Variants in LRRK2 observed in about 807,000 individuals in gnomAD.
LRRK2 encodes leucine rich repeat kinase 2, also known as leucine-rich repeat serine/threonine-protein kinase 2.
Under a neutral mutation model 302.6 loss-of-function variants are expected in LRRK2, and 203 were observed. The observed-to-expected ratio is 0.67, with a 90% CI of 0.60 to 0.75. The LOEUF is 0.75. LRRK2 is among the 30% of genes least tolerant of loss of function. LRRK2 has a pLI of 0.00. For synonymous variants in LRRK2, 1,066 were observed against 1,031.9 expected (o/e 1.03, Z -0.63); for missense variants, 2,830 against 2,951.0 (o/e 0.96, Z 0.95).
intron 41 of LRRK2, among the ~76,000 whole-genome samples, chr12:40,345,642 A>G (rs907280817): frequency 2.3e-4 from 35 of 150,796 alleles, no homozygotes; most frequent in African/African-American, 7.1e-4. Flanking sequence ...AAAAAAAAAA[A>G]AAAGAAAGAA....
Position 40,321,089 on chromosome 12 carries a change from A to G in LRRK2, c.5071A>G (p.Ile1691Val). 1.2e-6 allele frequency: 2 copies of G among 1,612,976 alleles called. No homozygotes were observed. The highest frequency in any genetic ancestry group is 1.7e-6 in the Non-Finnish European group (2 of 1,179,100). ...TCCCCATTGTGAGAACTCTGAAATT[A>G]TCATCCGACTATATGAAATGCCTTA... ...ELPHCENSEI[I>V]IRLYEMPYFP... Residue 1691 changes from isoleucine to valine, a missense_variant, in exon 35 of 51, where the codon ATC becomes GTC. Physicochemically the swap from Ile to Val is conservative, Grantham distance 29. Around this residue, in one of 3 missense-constraint regions of LRRK2, gnomAD observed 2,121 missense variants for 2,148.0 expected, o/e 0.99. Coordinates refer to ENST00000298910, the MANE Select transcript of LRRK2 (RefSeq NM_198578.4).
At chr12:40,243,403 C>T (rs1941825530) in intron 6 of LRRK2, 147 bp from the exon 7 acceptor site, 2 of 809,620 alleles carry the variant, frequency 2.5e-6, no homozygotes, top group East Asian at 5.5e-5. Flanking sequence ...GTATTTTTTA[C>T]AGCTACTTAA....
At chr12:40,327,184 C>G (rs945995676) in intron 38 of LRRK2, among the ~76,000 whole-genome samples, 9 of 152,222 alleles carry the variant, frequency 5.9e-5, no homozygotes, top group Middle Eastern at 6.8e-3. Flanking sequence ...TGATCATGGT[C>G]AGTTTGTGAG....
At chr12:40,267,831 T>G (rs1384635245) in intron 14 of LRRK2, among the ~76,000 whole-genome samples, 1 of 152,178 alleles carries the variant, frequency 6.6e-6, no homozygotes, top group Non-Finnish European at 1.5e-5. Context: ...AATTCTGTGA[T>G]TGCATGTCTT....
chr12:40,312,809 A>G (rs1945079347), intron 31 of LRRK2: 1 of 151,900 alleles, frequency 6.6e-6, no homozygotes, highest in Non-Finnish European at 1.5e-5. Context: ...TTATTTTTAT[A>G]TGGAGGTTTC....
intron 2 of LRRK2, among the ~76,000 whole-genome samples, chr12:40,228,242 A>T (rs1940996033): frequency 6.6e-6 from 1 of 151,896 alleles, no homozygotes; most frequent in African/African-American, 2.4e-5. Context: ...CCTTACCAGC[A>T]TTTGTTATTT....
In LRRK2 at chr12:40,298,369, G is replaced by C. The variant is rs1013930518; in HGVS notation, c.3223G>C (p.Val1075Leu). Residue 1075 changes from valine to leucine, a missense_variant, in exon 24 of 51, where the codon GTT becomes CTT. Coordinates refer to ENST00000298910, the MANE Select transcript of LRRK2 (RefSeq NM_198578.4). ...TCGAAATGACATTGGACCCTCAGTGGTTTTAGATCCTACAGTGAAATGTCC... is the reference window on the plus strand; with the variant it reads ...TCGAAATGACATTGGACCCTCAGTGCTTTTAGATCCTACAGTGAAATGTCC... ...VSRNDIGPSV[V>L]LDPTVKCPTL... 1 of 1,613,914 alleles carries C rather than the reference G, an allele frequency of 6.2e-7. No individual in the cohort carries two copies.
In LRRK2 at chr12:40,337,057, A is replaced by T. The variant is rs886220632; in HGVS notation, c.5948+1900A>T. 2.0e-5 allele frequency among the ~76,000 whole-genome samples: 3 copies of T among 152,230 alleles called. No individual in the cohort carries two copies. In the South Asian group the frequency reaches 6.2e-4, roughly 31 times the overall value. ...CAGCATATTTTAAAATAATTTGCCT[A>T]ATTTGTTCTTAGCATAATGCCAGAA... On this transcript the variant is annotated intron_variant, in intron 40 of 50. Transcript: ENST00000298910.
rs41286454 is a variant in LRRK2, at chr12:40,257,144, A to G, written c.1289-104A>G. On this transcript the variant is annotated intron_variant, in intron 11 of 50. Transcript: ENST00000298910. ...AACTATAAATTATGTGTGCTCTTGT[A>G]TATGCTTTCCTGTAAATTTGGACTA... is the stretch of plus-strand genomic sequence containing the variant. 610 of 814,604 alleles carry G rather than the reference A, an allele frequency of 7.5e-4. 4 individuals carry two copies. The highest frequency in any genetic ancestry group is 9.8e-4 in the Non-Finnish European group (492 of 501,988). 50.5% of individuals were successfully genotyped at this position (814,604 alleles called of 1,614,324 possible).
Position 40,243,628 on chromosome 12 carries a change from T to C in LRRK2, c.785T>C (p.Met262Thr). The change falls in exon 7 of 51, where the codon ATG becomes ACG. Residue 262 changes from methionine (M) to threonine (T), a missense_variant. By Grantham distance (81) the Met-to-Thr change is moderately conservative. Coordinates refer to ENST00000298910, the MANE Select transcript of LRRK2 (RefSeq NM_198578.4). ...GTGGAAGCTATGAAAGCATTCCCTA[T>C]GAGTGAAAGAATTCAAGAAGTGAGT... The part of the protein sequence containing the change: ...IVVEAMKAFP[M>T]SERIQEVSCC... The C allele has an allele frequency of 6.2e-7, 1 of 1,612,144 alleles. No homozygotes were observed. Among genetic ancestry groups the C allele is most frequent in the African/African-American group, 1.3e-5 (1 of 74,946 alleles).
intron 39 of LRRK2, among the ~76,000 whole-genome samples, chr12:40,330,422 C>T (rs1255935265): frequency 1.3e-5 from 2 of 151,902 alleles, no homozygotes; most frequent in East Asian, 3.9e-4. Flanking sequence ...TCTAGGATAC[C>T]TTTAATTTCA....
At position 40,322,672 on chromosome 12, in the gene LRRK2, T is replaced by C. The variant is rs11176022; in HGVS notation, c.5509+162T>C. Among the ~76,000 whole-genome samples the C allele has an allele frequency of 0.06, 9,149 of 152,146 alleles. 391 individuals are homozygous for C. The highest frequency in any genetic ancestry group is 0.13 in the Admixed American group (1,956 of 15,270). On this transcript the variant is annotated intron_variant, in intron 37 of 50. Coordinates refer to ENST00000298910, the MANE Select transcript of LRRK2 (RefSeq NM_198578.4). The stretch of plus-strand genomic sequence containing the variant: ...AAAACTGAATTATATTTATTACCAA[T>C]AAAATCTTGTATTCTAGATTCAGAA...
intron 7 of LRRK2, among the ~76,000 whole-genome samples, chr12:40,244,927 A>G (rs775671333): frequency 6.6e-6 from 1 of 151,304 alleles, no homozygotes; most frequent in Non-Finnish European, 1.5e-5. Context: ...CTGCAGGTTG[A>G]CTGAGCAAGG....
chr12:40,289,122 C>T (rs1209992258), intron 20 of LRRK2, among the ~76,000 whole-genome samples: 1 of 151,768 alleles, frequency 6.6e-6, no homozygotes, highest in African/African-American at 2.4e-5. Flanking sequence ...TTATTTCTTT[C>T]TGTATGGATA....
rs1945009106 is a variant in LRRK2 at position 40,310,642 on chromosome 12, A to T, written c.4529A>T (p.Asn1510Ile). ...AAAACCATCATAAACGAGAGCCTTA[A>T]TTTCAAGGTAACATGGTAGGCTGGT... The part of the protein sequence containing the change: ...LRKTIINESL[N>I]FKIRDQLVVG... The change falls in exon 31 of 51, where the codon AAT becomes ATT. Residue 1510 changes from asparagine (N) to isoleucine (I), a missense_variant. Transcript: ENST00000298910. 1 of 1,612,958 alleles carries T rather than the reference A, an allele frequency of 6.2e-7. No homozygotes were observed. The highest frequency in any genetic ancestry group is 1.7e-5 in the Admixed American group (1 of 59,844).
At chr12:40,356,058 C>G in intron 45 of LRRK2, 57 bp from the exon 46 acceptor site, 1 of 1,142,320 alleles carries the variant, frequency 8.8e-7, no homozygotes, top group Non-Finnish European at 1.3e-6. Flanking sequence ...AACATTAAGG[C>G]CATTTTAGTC....
At chr12:40,306,149 A>C (rs188796134) in intron 28 of LRRK2, among the ~76,000 whole-genome samples, 183 bp downstream of exon 28, 1 of 152,130 alleles carries the variant, frequency 6.6e-6, no homozygotes, top group Admixed American at 6.6e-5. Flanking sequence ...CACTGTAGAG[A>C]TTTCTCATTC....
chr12:40,367,657 C>T lies in LRRK2; in HGVS notation c.7476C>T (p.Cys2492=). The change falls in exon 51 of 51, where the codon TGC becomes TGT. Residue 2492 remains cysteine (C), a synonymous_variant. Coordinates refer to ENST00000298910, the MANE Select transcript of LRRK2 (RefSeq NM_198578.4). ...GTQKQKEIQS[C]LTVWDINLPH... is the part of the protein sequence containing the mutation. Reference sequence around the variant, plus strand: ...TTCTTTTTCTAGAGATACAATCTTGCTTGACCGTTTGGGACATCAATCTTC... The same window carrying T: ...TTCTTTTTCTAGAGATACAATCTTGTTTGACCGTTTGGGACATCAATCTTC... 1 of 1,603,540 alleles carries T rather than the reference C, an allele frequency of 6.2e-7. No individual in the cohort carries two copies. Among genetic ancestry groups the T allele is most frequent in the Non-Finnish European group, 8.5e-7 (1 of 1,173,984 alleles).
intron 6 of LRRK2, among the ~76,000 whole-genome samples, chr12:40,242,278 GT>G (rs1941762857): frequency 6.6e-6 from 1 of 151,998 alleles, no homozygotes; most frequent in Non-Finnish European, 1.5e-5. Flanking sequence ...TGTGAAAACA[GT>G]TGATTAGTTT....
Sources: gnomAD v4.1 joint callset for allele counts (sites outside exome capture counted in the v4.1 genomes callset) on GRCh38, gnomAD v4.1.1 for gene constraint, gnomAD v4.1.1 regional missense constraint, MANE v1.5 for transcripts, NCBI Gene and HGNC (gene_info 2026-07-23, HGNC 2026-07-21) for gene names.